POU3F3: variants seen among roughly 807,000 people sequenced by gnomAD.
POU3F3 encodes POU class 3 homeobox 3.
Under a neutral mutation model 8.6 loss-of-function variants are expected in POU3F3, and 1 was observed. That is an observed-to-expected ratio of 0.12 (90% CI 0.04 to 0.55). The LOEUF (loss-of-function observed/expected upper bound fraction) is 0.55, where lower values mean the gene tolerates loss of function less well. Among genes scored for constraint, POU3F3 ranks in the 20% least tolerant of loss-of-function variants. POU3F3 has a pLI of 0.91. For missense variants in POU3F3, 577 were observed against 690.7 expected, an observed-to-expected ratio of 0.84 and a Z score of 1.84; for synonymous variants, 418 against 327.4, an observed-to-expected ratio of 1.28 and a Z score of -2.99.
the POU3F3 span, among the ~76,000 whole-genome samples, chr2:104,914,055 C>T: frequency 5.9e-5 from 9 of 152,318 alleles, no homozygotes; most frequent in African/African-American, 1.9e-4. Context: ...AAGTCACATA[C>T]TTATTTATAC....
At chr2:104,872,611 C>A in the POU3F3 span, 1 of 263,030 alleles carries the variant, frequency 3.8e-6, no homozygotes, top group Non-Finnish European at 7.4e-6. This position sits in a 1 kb window ranked among gnomAD's most constrained non-coding sequence, Gnocchi z 4.6. Flanking sequence ...GCCCGGGTCT[C>A]GGCGCGCGCG....
downstream of POU3F3, among the ~76,000 whole-genome samples, chr2:104,862,871 C>G (rs890391740): frequency 6.6e-6 from 1 of 152,046 alleles, no homozygotes; most frequent in Non-Finnish European, 1.5e-5. Flanking sequence ...CTGTAAAAGC[C>G]GTAGGAGAAT....
At chr2:104,861,864 A>C (rs1205688110), downstream of POU3F3, among the ~76,000 whole-genome samples, 3 of 152,166 alleles carry the variant, frequency 2.0e-5, no homozygotes, top group Non-Finnish European at 4.4e-5. Context: ...AAGTTCACCC[A>C]TGTGACCTCC....
the POU3F3 span, among the ~76,000 whole-genome samples, chr2:104,865,179 C>T: frequency 6.6e-6 from 1 of 152,166 alleles, no homozygotes; most frequent in African/African-American, 2.4e-5. Context: ...TGAGTCTGGT[C>T]TTTAATTCAA....
the POU3F3 span, among the ~76,000 whole-genome samples, chr2:104,915,533 ACT>A: frequency 1.3e-5 from 2 of 152,018 alleles, no homozygotes; most frequent in Non-Finnish European, 2.9e-5. Context: ...GGGAAGTCCC[ACT>A]CTGTCTTGCA....
At chr2:104,871,226 G>T in the POU3F3 span, among the ~76,000 whole-genome samples, 17 of 152,314 alleles carry the variant, frequency 1.1e-4, 1 homozygote, top group South Asian at 3.5e-3. Context: ...GTTACACTTT[G>T]CGTAACTTGG....
At chr2:104,880,310 A>G in the POU3F3 span, among the ~76,000 whole-genome samples, 1 of 152,142 alleles carries the variant, frequency 6.6e-6, no homozygotes, top group African/African-American at 2.4e-5. Context: ...GCCCTCTCCA[A>G]CGTTAGAGGA....
the POU3F3 span, among the ~76,000 whole-genome samples, chr2:104,899,410 GCACAATA>G: frequency 3.8e-3 from 579 of 152,240 alleles, 6 homozygotes; most frequent in African/African-American, 0.013. Flanking sequence ...GGCATTTCTG[GCACAATA>G]GAGAGGATCA....
the POU3F3 span, among the ~76,000 whole-genome samples, chr2:104,924,570 A>G: frequency 1.3e-5 from 2 of 152,132 alleles, no homozygotes; most frequent in Non-Finnish European, 2.9e-5. Flanking sequence ...ACAACTTTGG[A>G]CTCATATTAA....
chr2:104,890,192 A>G, the POU3F3 span, among the ~76,000 whole-genome samples: 6 of 152,190 alleles, frequency 3.9e-5, no homozygotes, highest in Admixed American at 2.6e-4. Context: ...AGTTTGCACA[A>G]TTTGCAGTGG....
At chr2:104,873,691 G>A in the POU3F3 span, among the ~76,000 whole-genome samples, 1 of 152,224 alleles carries the variant, frequency 6.6e-6, no homozygotes, top group Non-Finnish European at 1.5e-5. Context: ...AGGATGGGCG[G>A]AGGAGATCCT....
rs1378743404 is a variant in POU3F3 at position 104,854,968 on chromosome 2, T to G, written c.-543T>G. On this transcript the variant is annotated 5_prime_UTR_variant, in exon 1 of 1. Transcript: ENST00000361360. This position sits in a 1 kb window ranked among gnomAD's most constrained non-coding sequence, Gnocchi z 4.5. Reference sequence around the variant, plus strand: ...TTGTTATCTCCCGTGAAACCTTCACTTAGCAGGTGGACGGAGCCCCGCGAC... The same window carrying G: ...TTGTTATCTCCCGTGAAACCTTCACGTAGCAGGTGGACGGAGCCCCGCGAC... Among the ~76,000 whole-genome samples, 1 of 152,184 alleles carries G rather than the reference T, an allele frequency of 6.6e-6. No individual in the cohort carries two copies. The highest frequency in any genetic ancestry group is 1.5e-5 in the Non-Finnish European group (1 of 68,014).
At chr2:104,864,254 T>C in the POU3F3 span, among the ~76,000 whole-genome samples, 23 of 152,240 alleles carry the variant, frequency 1.5e-4, no homozygotes, top group African/African-American at 5.5e-4. Flanking sequence ...CTTCTGAAGC[T>C]GCAGACGGAG....
chr2:104,879,987 GA>G, the POU3F3 span, among the ~76,000 whole-genome samples: 1 of 152,138 alleles, frequency 6.6e-6, no homozygotes, highest in African/African-American at 2.4e-5. Flanking sequence ...CAAAAGCTAA[GA>G]TTTCGAATGC....
At chr2:104,915,852 C>G in the POU3F3 span, among the ~76,000 whole-genome samples, 1 of 152,102 alleles carries the variant, frequency 6.6e-6, no homozygotes, top group Non-Finnish European at 1.5e-5. Context: ...TAACTCATCA[C>G]CCCTGAGGTA....
the POU3F3 span, among the ~76,000 whole-genome samples, chr2:104,898,670 T>C: frequency 6.6e-6 from 1 of 152,208 alleles, no homozygotes; most frequent in Non-Finnish European, 1.5e-5. Flanking sequence ...AAAGTGTTTT[T>C]AAAAAATAAG....
chr2:104,910,567 T>A, the POU3F3 span, among the ~76,000 whole-genome samples: 1 of 152,166 alleles, frequency 6.6e-6, no homozygotes, highest in Non-Finnish European at 1.5e-5. Flanking sequence ...AATTGAGAGA[T>A]GATATATCAA....
chr2:104,906,364 G>T, the POU3F3 span, among the ~76,000 whole-genome samples: 1 of 152,106 alleles, frequency 6.6e-6, no homozygotes, highest in African/African-American at 2.4e-5. Context: ...CTGTCCATTG[G>T]ATCTATTAAT....
rs369599926 is a variant in POU3F3, at chr2:104,854,185, C to G, written c.-1326C>G. Among the ~76,000 whole-genome samples the G allele has an allele frequency of 4.6e-5, 7 of 151,458 alleles. No homozygotes were observed. The highest frequency in any genetic ancestry group is 1.7e-4 in the African/African-American group (7 of 41,166). Reference sequence around the variant, plus strand: ...TCAGATCGGAGCGAGAGCGGGCGCCCGAGAGAGGGAGAGAGAGAGAGGGAG... The same window carrying G: ...TCAGATCGGAGCGAGAGCGGGCGCCGGAGAGAGGGAGAGAGAGAGAGGGAG... On this transcript the variant is annotated 5_prime_UTR_variant, in exon 1 of 1. Coordinates refer to ENST00000361360, the MANE Select transcript of POU3F3 (RefSeq NM_006236.3). The surrounding 1 kb of genome is among the most constrained non-coding windows in gnomAD (Gnocchi z 4.5).
Sources: gnomAD v4.1 joint callset for allele counts (sites outside exome capture counted in the v4.1 genomes callset) on GRCh38, gnomAD v4.1.1 for gene constraint, Gnocchi (gnomAD v3.1) non-coding constraint, MANE v1.5 for transcripts, NCBI Gene and HGNC (gene_info 2026-07-23, HGNC 2026-07-21) for gene names.